Variants in HSD17B12 observed in about 807,000 individuals in gnomAD.
HSD17B12 encodes very-long-chain 3-oxoacyl-CoA reductase.
A neutral mutation model predicts 39.3 loss-of-function variants in HSD17B12; 32 were observed. That is an observed-to-expected ratio of 0.81 (90% confidence interval 0.61 to 1.09). The LOEUF is 1.09. Ranked by LOEUF, HSD17B12 falls within the 50% of genes least tolerant of loss-of-function variation. The pLI is 0.00. For missense variants in HSD17B12, 342 were observed against 382.9 expected (o/e 0.89, Z 0.89); for synonymous variants, 150 against 146.7 (o/e 1.02, Z -0.16).
chr11:43,854,892 A>G lies in HSD17B12; in HGVS notation c.834+28A>G. The G allele has an allele frequency of 1.2e-6, 2 of 1,609,944 alleles. 1 individual carries two copies. Among genetic ancestry groups the G allele is most frequent in the South Asian group, 2.2e-5 (2 of 90,856 alleles). Reference sequence around the variant, plus strand: ...AGGTAGATTTTTTGAATCACAAATCAATACTTTCTGGCTTGGGGTTTCTTT... The same window carrying G: ...AGGTAGATTTTTTGAATCACAAATCGATACTTTCTGGCTTGGGGTTTCTTT... On this transcript the variant is annotated intron_variant, in intron 10 of 10. Coordinates refer to ENST00000278353, the MANE Select transcript of HSD17B12 (RefSeq NM_016142.3).
At chr11:43,698,918 A>G (rs750753190) in intron 1 of HSD17B12, among the ~76,000 whole-genome samples, 2 of 152,230 alleles carry the variant, frequency 1.3e-5, no homozygotes, top group Non-Finnish European at 1.5e-5. Context: ...ATATATATCA[A>G]TTTTAGAACA....
intron 9 of HSD17B12, chr11:43,848,658 G>C (rs961934705): frequency 1.3e-5 from 2 of 152,180 alleles, no homozygotes; most frequent in African/African-American, 4.8e-5. Flanking sequence ...TCTAATTACA[G>C]AGGAAGAAAC....
chr11:43,823,556 T>C (rs773691016), intron 6 of HSD17B12, among the ~76,000 whole-genome samples: 1 of 152,058 alleles, frequency 6.6e-6, no homozygotes, highest in Non-Finnish European at 1.5e-5. Context: ...CCAGTGTGAG[T>C]CACCATGTCT....
chr11:43,688,087 C>A (rs1949818526), intron 1 of HSD17B12, among the ~76,000 whole-genome samples: 1 of 152,084 alleles, frequency 6.6e-6, no homozygotes, highest in Non-Finnish European at 1.5e-5. Flanking sequence ...TGGTATGCAC[C>A]TGTAGTCCCC....
At chr11:43,717,591 G>A (rs1950135598) in intron 1 of HSD17B12, among the ~76,000 whole-genome samples, 3 of 152,024 alleles carry the variant, frequency 2.0e-5, no homozygotes, top group South Asian at 2.1e-4. Flanking sequence ...GAGGGTTCAC[G>A]ATGGCCTCAC....
chr11:43,577,094 G>A, the HSD17B12 span, among the ~76,000 whole-genome samples: 1 of 152,212 alleles, frequency 6.6e-6, no homozygotes, highest in Non-Finnish European at 1.5e-5. Flanking sequence ...CTCCCTTTTG[G>A]TTCCGGTCCG....
the HSD17B12 span, among the ~76,000 whole-genome samples, chr11:43,614,725 A>T: frequency 6.6e-6 from 1 of 151,990 alleles, no homozygotes; most frequent in African/African-American, 2.4e-5. Flanking sequence ...GGTCTTTTCT[A>T]CAGTGTCCAA....
chr11:43,575,680 G>C, the HSD17B12 span, among the ~76,000 whole-genome samples: 1 of 152,230 alleles, frequency 6.6e-6, no homozygotes, highest in Non-Finnish European at 1.5e-5. The surrounding 1 kb of genome is among the most constrained non-coding windows in gnomAD (Gnocchi z 4.1). Flanking sequence ...GAGCAGAAGC[G>C]TCTTCTCAGC....
At chr11:43,558,661 G>T in the HSD17B12 span, among the ~76,000 whole-genome samples, 2 of 152,062 alleles carry the variant, frequency 1.3e-5, no homozygotes, top group Non-Finnish European at 2.9e-5. Flanking sequence ...TATGACGAGG[G>T]TTCTTTGGAC....
chr11:43,611,464 C>A, the HSD17B12 span, among the ~76,000 whole-genome samples: 1 of 152,174 alleles, frequency 6.6e-6, no homozygotes, highest in Non-Finnish European at 1.5e-5. Context: ...AGTTCTGTAG[C>A]AGCAGACATT....
intron 1 of HSD17B12, among the ~76,000 whole-genome samples, chr11:43,710,716 T>C (rs1332721604): frequency 6.6e-6 from 1 of 152,092 alleles, no homozygotes; most frequent in East Asian, 1.9e-4. Flanking sequence ...TTATTTGGGG[T>C]TTTAATCCAG....
the HSD17B12 span, among the ~76,000 whole-genome samples, chr11:43,614,804 T>C: frequency 6.6e-6 from 1 of 152,122 alleles, no homozygotes; most frequent in Admixed American, 6.6e-5. Flanking sequence ...TTAAAATTTT[T>C]ATTTCATCCT....
the HSD17B12 span, among the ~76,000 whole-genome samples, chr11:43,603,421 C>G: frequency 2.0e-5 from 3 of 151,986 alleles, no homozygotes; most frequent in Non-Finnish European, 2.9e-5. Context: ...GGTTTCCAAG[C>G]ACTTTGCCTG....
intron 1 of HSD17B12, among the ~76,000 whole-genome samples, chr11:43,700,239 A>G (rs1318533558): frequency 6.6e-6 from 1 of 152,118 alleles, no homozygotes; most frequent in Non-Finnish European, 1.5e-5. Flanking sequence ...TTTTGTGGGT[A>G]CACAGTAGGT....
chr11:43,663,701 G>T, the HSD17B12 span, among the ~76,000 whole-genome samples: 1 of 152,080 alleles, frequency 6.6e-6, no homozygotes, highest in Non-Finnish European at 1.5e-5. Context: ...CCTTAGCCTG[G>T]CATAGTAAGG....
At chr11:43,777,748 G>A (rs11037628) in intron 3 of HSD17B12, among the ~76,000 whole-genome samples, 8,062 of 152,146 alleles carry the variant, frequency 0.053, 236 homozygotes, top group Non-Finnish European at 0.057. Context: ...TGGGTTTGTC[G>A]TAGATAGCTC....
chr11:43,578,822 T>C, the HSD17B12 span: 1 of 151,958 alleles, frequency 6.6e-6, no homozygotes, highest in Non-Finnish European at 1.5e-5. Context: ...CATGGCCTCA[T>C]TTCCACCTCC....
the HSD17B12 span, among the ~76,000 whole-genome samples, chr11:43,656,539 G>A: frequency 1.3e-5 from 2 of 151,972 alleles, no homozygotes; most frequent in Non-Finnish European, 2.9e-5. Context: ...TGGGCATTTA[G>A]TGCTATAAAT....
At chr11:43,606,483 T>G in the HSD17B12 span, among the ~76,000 whole-genome samples, 2 of 152,222 alleles carry the variant, frequency 1.3e-5, no homozygotes, top group South Asian at 4.1e-4. Context: ...CTGTCTATGT[T>G]CATTAGGATT....
Sources: allele counts gnomAD v4.1 joint callset (sites outside exome capture counted in the v4.1 genomes callset), GRCh38; gene constraint gnomAD v4.1.1; non-coding constraint Gnocchi (gnomAD v3.1); transcripts MANE v1.5; gene names NCBI Gene and HGNC (gene_info 2026-07-23, HGNC 2026-07-21).